The following MAPK10 variants were observed in gnomAD, a reference collection of about 807,000 sequenced individuals.
MAPK10 encodes mitogen-activated protein kinase 10.
Under a neutral mutation model 59.3 loss-of-function variants are expected in MAPK10, and 25 were observed. The ratio of observed to expected loss-of-function variants is 0.42; its 90% CI spans 0.31 to 0.59. The LOEUF is 0.59. MAPK10 is among the 20% of genes least tolerant of loss of function. The probability of loss-of-function intolerance (pLI) is 0.15; values close to 1 mark genes in which losing one functional copy is unlikely to be tolerated. For synonymous variants in MAPK10, 190 were observed against 200.5 expected (o/e 0.95, Z 0.44); for missense variants, 351 against 568.9 (o/e 0.62, Z 3.90).
intron 1 of MAPK10, among the ~76,000 whole-genome samples, chr4:86,381,741 TA>T (rs1421241448): frequency 2.0e-5 from 3 of 152,150 alleles, no homozygotes; most frequent in Non-Finnish European, 4.4e-5. Context: ...TGGCATAGTT[TA>T]AAAGGATAAT....
chr4:86,546,393 C>CAAA (rs78851488), intron 1 of MAPK10, among the ~76,000 whole-genome samples: 17 of 131,038 alleles, frequency 1.3e-4, no homozygotes, highest in African/African-American at 4.8e-4. Context: ...ACTAAAAATA[C>CAAA]AAAAAAAAAA....
At chr4:86,583,536 C>A (rs542477238) in intron 1 of MAPK10, among the ~76,000 whole-genome samples, 1 of 152,056 alleles carries the variant, frequency 6.6e-6, no homozygotes, top group African/African-American at 2.4e-5. Flanking sequence ...CATTCTTTTT[C>A]GGTCTTGAAA....
At chr4:86,270,617 C>A (rs1315111070) in intron 2 of MAPK10, among the ~76,000 whole-genome samples, 1 of 151,916 alleles carries the variant, frequency 6.6e-6, no homozygotes, top group Non-Finnish European at 1.5e-5. Flanking sequence ...TAACCACAAC[C>A]CCAATAAAAA....
At chr4:86,045,460 C>T (rs1339369263) in intron 11 of MAPK10, among the ~76,000 whole-genome samples, 2 of 152,034 alleles carry the variant, frequency 1.3e-5, no homozygotes, top group Non-Finnish European at 2.9e-5. Flanking sequence ...CAATTATTAG[C>T]TTCTAAACAT....
intron 1 of MAPK10, among the ~76,000 whole-genome samples, chr4:86,435,919 A>AT (rs1299392661): frequency 1.3e-5 from 2 of 152,234 alleles, no homozygotes; most frequent in Non-Finnish European, 2.9e-5. Flanking sequence ...ATCATTGTGT[A>AT]TATTAAATCA....
chr4:86,228,083 T>C (rs2090958782), intron 2 of MAPK10, among the ~76,000 whole-genome samples: 6 of 152,212 alleles, frequency 3.9e-5, no homozygotes, highest in Non-Finnish European at 1.5e-5. Flanking sequence ...GTAGGTACAC[T>C]AAGTAAGCTT....
At chr4:86,046,294 A>C (rs569012252) in intron 11 of MAPK10, among the ~76,000 whole-genome samples, 1 of 151,558 alleles carries the variant, frequency 6.6e-6, no homozygotes, top group African/African-American at 2.4e-5. Flanking sequence ...AATACGCTTT[A>C]TTTCTTTCTC....
chr4:86,515,414 GTT>G (rs747943455), intron 1 of MAPK10, among the ~76,000 whole-genome samples: 11 of 152,150 alleles, frequency 7.2e-5, no homozygotes, highest in Non-Finnish European at 1.6e-4. Context: ...TCTCCACACT[GTT>G]TTTTATAGTG....
intron 1 of MAPK10, among the ~76,000 whole-genome samples, chr4:86,504,286 C>G (rs1755555293): frequency 6.6e-6 from 1 of 152,078 alleles, no homozygotes. Flanking sequence ...ATGAGTCTCA[C>G]AGAATGAACC....
chr4:86,530,050 C>T (rs559361628), intron 1 of MAPK10, among the ~76,000 whole-genome samples: 1 of 144,196 alleles, frequency 6.9e-6, no homozygotes, highest in Admixed American at 7.0e-5. Flanking sequence ...ACTCAAGGGG[C>T]TTTTGGTTTT....
Position 86,303,070 on chromosome 4 carries a change from GCA to G in MAPK10, c.-7+51458_-7+51459del, listed in dbSNP as rs758228051. Among the ~76,000 whole-genome samples, 25 of 152,238 alleles carry G rather than the reference GCA, an allele frequency of 1.6e-4. No homozygotes were observed. In the East Asian group the frequency reaches 4.3e-3, roughly 26 times the overall value. ...TCATTATTACCCCTAAATTACAAATGCACAAAGTATGACAGAAGAAAAATGTC... is the reference window on the plus strand; with the variant it reads ...TCATTATTACCCCTAAATTACAAATGCAAAGTATGACAGAAGAAAAATGTC... On this transcript the variant is annotated intron_variant, in intron 2 of 13. Coordinates refer to ENST00000641462, the MANE Select transcript of MAPK10 (RefSeq NM_138982.4).
chr4:86,125,311 G>A (rs1430336467), intron 4 of MAPK10: 1 of 151,510 alleles, frequency 6.6e-6, no homozygotes, highest in Admixed American at 6.6e-5. Flanking sequence ...TAATATACAT[G>A]AGATGTACCA....
intron 2 of MAPK10, among the ~76,000 whole-genome samples, chr4:86,198,696 C>G (rs565203934): frequency 5.5e-4 from 84 of 151,378 alleles, no homozygotes; most frequent in Admixed American, 7.9e-4. Flanking sequence ...AATATATATG[C>G]TAAGCTTTGA....
intron 1 of MAPK10, among the ~76,000 whole-genome samples, chr4:86,389,823 T>C (rs754975552): frequency 6.6e-6 from 1 of 152,244 alleles, no homozygotes; most frequent in Non-Finnish European, 1.5e-5. Flanking sequence ...GTTCAGAGTA[T>C]GTTACTAAAA....
intron 11 of MAPK10, among the ~76,000 whole-genome samples, chr4:86,035,065 G>A (rs1471769314): frequency 6.6e-6 from 1 of 152,082 alleles, no homozygotes; most frequent in African/African-American, 2.4e-5. Flanking sequence ...GTCAGACAAA[G>A]GGTGGATCAA....
intron 13 of MAPK10, among the ~76,000 whole-genome samples, chr4:86,021,332 GAC>G (rs1746684972): frequency 8.0e-6 from 1 of 125,642 alleles, no homozygotes; most frequent in East Asian, 2.1e-4. Flanking sequence ...CCCTGAGCTA[GAC>G]ACAGAGTGCT....
chr4:86,464,872 C>T (rs1752058538), intron 1 of MAPK10, among the ~76,000 whole-genome samples: 1 of 152,008 alleles, frequency 6.6e-6, no homozygotes, highest in Non-Finnish European at 1.5e-5. Flanking sequence ...AGGGCTCATA[C>T]ACCTCTTCCG....
chr4:86,335,225 A>C (rs1324046880), intron 2 of MAPK10: 1 of 152,238 alleles, frequency 6.6e-6, no homozygotes, highest in Admixed American at 6.5e-5. Flanking sequence ...GAATTGGTCA[A>C]GAAATATTAA....
At chr4:86,430,742 G>C (rs1343371249) in intron 1 of MAPK10, among the ~76,000 whole-genome samples, 1 of 152,104 alleles carries the variant, frequency 6.6e-6, no homozygotes, top group Admixed American at 6.6e-5. Context: ...TGAGAGGAAA[G>C]GGGACTGGCA....
Sources: gnomAD v4.1 joint callset for allele counts (sites outside exome capture counted in the v4.1 genomes callset) on GRCh38, gnomAD v4.1.1 for gene constraint, MANE v1.5 for transcripts, NCBI Gene and HGNC (gene_info 2026-07-23, HGNC 2026-07-21) for gene names.